The following COL25A1 variants were observed in gnomAD, a reference collection of about 807,000 sequenced individuals.
COL25A1 encodes collagen type XXV alpha 1 chain.
Under a neutral mutation model 128.4 loss-of-function variants are expected in COL25A1, and 103 were observed. That is an observed-to-expected ratio of 0.80 (90% CI 0.68 to 0.94). The LOEUF (loss-of-function observed/expected upper bound fraction) is 0.94. COL25A1 is among the 40% of genes least tolerant of loss of function. The pLI, the probability that COL25A1 is intolerant of heterozygous loss-of-function variation, is 0.00. For missense variants in COL25A1, 745 were observed against 840.0 expected, an observed-to-expected ratio of 0.89 and a Z score of 1.40; for synonymous variants, 279 against 277.2, an observed-to-expected ratio of 1.01 and a Z score of -0.06.
At position 109,187,564 on chromosome 4, in the gene COL25A1, A is replaced by G. The variant is rs558280581; in HGVS notation, c.367+113019T>C. 2.4e-4 allele frequency among the ~76,000 whole-genome samples: 36 copies of G among 152,354 alleles called. No individual in the cohort carries two copies. In the South Asian group the frequency reaches 7.5e-3, roughly 32 times the overall value. On this transcript the variant is annotated intron_variant, in intron 3 of 37. Transcript: ENST00000399132. ...AAAAACAGTAGCTGGTACATTATAAAAGCTACAGAACTTGGTATTATTAAT... is the reference window on the plus strand; with the variant it reads ...AAAAACAGTAGCTGGTACATTATAAGAGCTACAGAACTTGGTATTATTAAT...
chr4:109,087,279 G>A (rs950109108), intron 3 of COL25A1, among the ~76,000 whole-genome samples: 4 of 151,942 alleles, frequency 2.6e-5, no homozygotes, highest in Admixed American at 1.3e-4. Flanking sequence ...CTCTCTTTGA[G>A]GGAAGCAGCA....
intron 3 of COL25A1, among the ~76,000 whole-genome samples, chr4:109,072,808 A>C (rs1412151394): frequency 6.6e-6 from 1 of 152,178 alleles, no homozygotes; most frequent in Non-Finnish European, 1.5e-5. Flanking sequence ...ACAGCTGCCA[A>C]GCTATTCCTT....
rs190719150 is a variant in COL25A1 at position 108,855,924 on chromosome 4, C to T, written c.1321-2999G>A. On this transcript the variant is annotated intron_variant, in intron 24 of 37. Transcript: ENST00000399132. ...CAAATCCAAGTTAAAGCTATATAAA[C>T]TCAACAGGATTCTCTTTTGAACTCA... Among the ~76,000 whole-genome samples the T allele has an allele frequency of 1.4e-3, 208 of 152,190 alleles. 2 individuals carry two copies. The highest frequency in any genetic ancestry group is 4.4e-3 in the East Asian group (23 of 5,186).
chr4:109,066,064 T>G (rs1229931986), intron 3 of COL25A1, among the ~76,000 whole-genome samples: 2 of 152,158 alleles, frequency 1.3e-5, no homozygotes, highest in Non-Finnish European at 2.9e-5. Flanking sequence ...GAAGCAAAGC[T>G]TAGTGACAGC....
At chr4:108,974,306 A>G in intron 8 of COL25A1, 61 bp downstream of exon 8, 1 of 1,573,154 alleles carries the variant, frequency 6.4e-7, no homozygotes, top group Non-Finnish European at 8.7e-7. Flanking sequence ...GGGTACTTTC[A>G]TTCAATAAAC....
At chr4:109,112,266 A>C (rs1767098280) in intron 3 of COL25A1, among the ~76,000 whole-genome samples, 1 of 152,152 alleles carries the variant, frequency 6.6e-6, no homozygotes. Flanking sequence ...TCAACCACCC[A>C]ACATTCTGAG....
At chr4:108,870,599 C>T (rs1445482504) in intron 19 of COL25A1, among the ~76,000 whole-genome samples, 1 of 152,024 alleles carries the variant, frequency 6.6e-6, no homozygotes, top group East Asian at 1.9e-4. Context: ...TCTTAATGGC[C>T]TAAAACGAAA....
intron 6 of COL25A1, among the ~76,000 whole-genome samples, chr4:108,979,238 C>A (rs1056856998): frequency 2.0e-5 from 3 of 152,172 alleles, no homozygotes; most frequent in Admixed American, 1.3e-4. Context: ...TAAGTCTCCT[C>A]AAATCTACTT....
At chr4:108,923,263 G>T (rs915049736) in intron 11 of COL25A1, among the ~76,000 whole-genome samples, 1 of 152,190 alleles carries the variant, frequency 6.6e-6, no homozygotes, top group Non-Finnish European at 1.5e-5. Context: ...CATTTGATTA[G>T]TCTTGCGGTT....
chr4:109,005,045 T>C (rs1162769362), intron 6 of COL25A1, among the ~76,000 whole-genome samples: 1 of 152,184 alleles, frequency 6.6e-6, no homozygotes, highest in Non-Finnish European at 1.5e-5. Context: ...AAGAAATACC[T>C]GAGACTAAGT....
intron 5 of COL25A1, among the ~76,000 whole-genome samples, chr4:109,019,880 A>G (rs1757568266): frequency 6.6e-6 from 1 of 152,244 alleles, no homozygotes; most frequent in African/African-American, 2.4e-5. Context: ...CGAAAGTTCC[A>G]TATTGACGAA....
chr4:109,295,638 A>G (rs1266158595), intron 3 of COL25A1, among the ~76,000 whole-genome samples: 2 of 152,112 alleles, frequency 1.3e-5, no homozygotes, highest in Non-Finnish European at 2.9e-5. Flanking sequence ...GTTTTATGTG[A>G]GAAAGTAAAT....
chr4:108,915,291 C>T (rs1744737681), intron 13 of COL25A1, among the ~76,000 whole-genome samples: 1 of 152,216 alleles, frequency 6.6e-6, no homozygotes. Context: ...ACCTATTTTG[C>T]CAACCTGAAT....
At position 109,066,006 on chromosome 4, in the gene COL25A1, GTCT is replaced by G. The variant is rs1019153370; in HGVS notation, c.368-15830_368-15828del. Reference sequence around the variant, plus strand: ...TGGAGCTGAGCAGAGCCCCATCAAAGTCTTCTTTACATGCCCCACCTGCCCTGG... The same window carrying G: ...TGGAGCTGAGCAGAGCCCCATCAAAGTCTTTACATGCCCCACCTGCCCTGG... On this transcript the variant is annotated intron_variant, in intron 3 of 37. Coordinates refer to ENST00000399132, the MANE Select transcript of COL25A1 (RefSeq NM_198721.4). Among the ~76,000 whole-genome samples the G allele has an allele frequency of 4.6e-5, 7 of 152,240 alleles. No individual in the cohort carries two copies. In the East Asian group the frequency reaches 1.2e-3, roughly 25 times the overall value.
At chr4:109,231,892 TA>T (rs1779186891) in intron 3 of COL25A1, among the ~76,000 whole-genome samples, 1 of 152,162 alleles carries the variant, frequency 6.6e-6, no homozygotes, top group African/African-American at 2.4e-5. Context: ...CACAAAATGG[TA>T]GTGTTTTGAA....
At chr4:109,030,110 C>T (rs952520993) in intron 5 of COL25A1, among the ~76,000 whole-genome samples, 1 of 152,184 alleles carries the variant, frequency 6.6e-6, no homozygotes, top group African/African-American at 2.4e-5. Flanking sequence ...GCCTCATGGA[C>T]AGGCCAACTG....
intron 6 of COL25A1, 68 bp from the exon 7 acceptor site, chr4:108,974,627 G>C: frequency 7.8e-7 from 1 of 1,276,108 alleles, no homozygotes; most frequent in Non-Finnish European, 1.1e-6. Context: ...AGATCAGCCA[G>C]GTTAGTTGAA....
intron 3 of COL25A1, among the ~76,000 whole-genome samples, chr4:109,186,706 C>T (rs1775167917): frequency 6.6e-6 from 1 of 152,188 alleles, no homozygotes; most frequent in African/African-American, 2.4e-5. Context: ...TAGATTTCCC[C>T]ACCTGGGGAT....
intron 3 of COL25A1, among the ~76,000 whole-genome samples, chr4:109,078,898 T>C (rs1763604477): frequency 6.6e-6 from 1 of 152,210 alleles, no homozygotes; most frequent in Non-Finnish European, 1.5e-5. Context: ...ATGTGAGTTC[T>C]GGGGAAAGAG....
Sources: allele counts gnomAD v4.1 joint callset (sites outside exome capture counted in the v4.1 genomes callset), GRCh38; gene constraint gnomAD v4.1.1; transcripts MANE v1.5; gene names NCBI Gene and HGNC (gene_info 2026-07-23, HGNC 2026-07-21).